The following NUDT9 variants were observed in gnomAD, a reference collection of about 807,000 sequenced individuals.
The protein encoded by NUDT9 is nudix hydrolase 9, also known as ADP-ribose pyrophosphatase.
In NUDT9, 31 loss-of-function variants were observed where a neutral mutation model predicts 41.0. The ratio of observed to expected loss-of-function variants is 0.76; its 90% CI spans 0.57 to 1.02. The LOEUF (loss-of-function observed/expected upper bound fraction) is 1.02. Ranked by LOEUF, NUDT9 falls within the 50% of genes least tolerant of loss-of-function variation. The probability of loss-of-function intolerance (pLI) is 0.00; values close to 1 mark genes in which losing one functional copy is unlikely to be tolerated. For synonymous variants in NUDT9, 146 were observed against 147.6 expected, an observed-to-expected ratio of 0.99 and a Z score of 0.08; for missense variants, 380 against 431.4, an observed-to-expected ratio of 0.88 and a Z score of 1.06.
intron 3 of NUDT9, 41 bp downstream of exon 3, chr4:87,438,413 C>A: frequency 1.9e-6 from 2 of 1,074,034 alleles, no homozygotes; most frequent in Non-Finnish European, 2.9e-6. Context: ...AATGAGTCAC[C>A]AAAAAGTAGA....
chr4:87,427,067 C>G (rs1207090629), intron 1 of NUDT9, among the ~76,000 whole-genome samples: 1 of 149,670 alleles, frequency 6.7e-6, no homozygotes, highest in Non-Finnish European at 1.5e-5. Context: ...TTGCAGTGAG[C>G]CATGATTGTA....
chr4:87,435,103 G>A lies in NUDT9; in HGVS notation c.230G>A (p.Arg77Gln). Residue 77 changes from arginine (R) to glutamine (Q), a missense_variant, in exon 2 of 8, where the codon CGA becomes CAA. Arg to Gln is a conservative substitution (Grantham distance 43). Transcript: ENST00000302174. ...TSPYPGSKVE[R>Q]SQVPNEKVGW... ...CCTTACCCAGGTTCAAAAGTTGAAC[G>A]AAGCCAGGTTCCTAATGAGAAAGTG... The A allele has an allele frequency of 1.9e-6, 3 of 1,614,170 alleles. No individual in the cohort carries two copies. The highest frequency in any genetic ancestry group is 2.5e-6 in the Non-Finnish European group (3 of 1,180,028).
At chr4:87,444,342 C>T (rs1321845472) in intron 4 of NUDT9, among the ~76,000 whole-genome samples, 2 of 151,912 alleles carry the variant, frequency 1.3e-5, no homozygotes, top group East Asian at 1.9e-4. Context: ...CATTCTCACC[C>T]GGTCTTATTT....
At position 87,458,553 on chromosome 4, in the gene NUDT9, T is replaced by C. The variant is rs1280007400; in HGVS notation, c.*532T>C. 1 of 152,242 alleles carries C rather than the reference T, an allele frequency of 6.6e-6. No homozygotes were observed. The highest frequency in any genetic ancestry group is 6.5e-5 in the Admixed American group (1 of 15,278). The allele number at this position is 152,242 out of a possible 1,614,324, so 9.4% of individuals were successfully genotyped here. ...ATCTTGTTGAAGCTAATTTTGAAAA[T>C]GGAAACTATGTTTTCTTGACTTTAG... is the stretch of plus-strand genomic sequence containing the variant. On this transcript the variant is annotated 3_prime_UTR_variant, in exon 8 of 8. Coordinates refer to ENST00000302174, the MANE Select transcript of NUDT9 (RefSeq NM_024047.5).
chr4:87,424,104 C>T (rs1721286203), intron 1 of NUDT9, among the ~76,000 whole-genome samples: 2 of 152,052 alleles, frequency 1.3e-5, no homozygotes, highest in African/African-American at 4.8e-5. Context: ...CTATTTTGGA[C>T]TTTTTGCTTG....
intron 4 of NUDT9, 22 bp from the exon 5 acceptor site, chr4:87,449,120 G>T (rs1722598675): frequency 2.9e-6 from 4 of 1,357,204 alleles, no homozygotes; most frequent in South Asian, 2.4e-5. Flanking sequence ...AATCCGTTAT[G>T]ATTTTATATT....
chr4:87,432,762 G>A (rs1721740676), intron 1 of NUDT9, among the ~76,000 whole-genome samples: 1 of 149,056 alleles, frequency 6.7e-6, no homozygotes, highest in Non-Finnish European at 1.5e-5. Context: ...CAATCAAGAA[G>A]ATTGTGTTTT....
chr4:87,445,231 G>C (rs1722392091), intron 4 of NUDT9: 1 of 151,982 alleles, frequency 6.6e-6, no homozygotes, highest in Non-Finnish European at 1.5e-5. Context: ...TCTGACATCT[G>C]AATCAGGGGT....
chr4:87,438,412 C>A, intron 3 of NUDT9, 40 bp downstream of exon 3: 4 of 1,087,076 alleles, frequency 3.7e-6, no homozygotes, highest in Non-Finnish European at 5.6e-6. Flanking sequence ...TAATGAGTCA[C>A]CAAAAAGTAG....
intron 6 of NUDT9, among the ~76,000 whole-genome samples, chr4:87,454,110 G>A (rs558919272): frequency 2.0e-5 from 3 of 151,586 alleles, no homozygotes; most frequent in Admixed American, 2.0e-4. Flanking sequence ...TGATCCACCC[G>A]CCTCAGCCTC....
rs544994297 is a variant in NUDT9 at position 87,438,111 on chromosome 4, T to G, written c.348-166T>G. On this transcript the variant is annotated intron_variant, in intron 2 of 7. Coordinates refer to ENST00000302174, the MANE Select transcript of NUDT9 (RefSeq NM_024047.5). ...TAAAACTTTTTTTTGCCTTAAAAAT[T>G]GTTTTGAAGGAATAAGATGGATTTG... Among the ~76,000 whole-genome samples the G allele has an allele frequency of 6.6e-5, 10 of 151,132 alleles. No homozygotes were observed. In the East Asian group the frequency reaches 1.6e-3, roughly 24 times the overall value.
intron 2 of NUDT9, among the ~76,000 whole-genome samples, chr4:87,437,133 C>G (rs1018276155): frequency 6.0e-5 from 9 of 151,052 alleles, no homozygotes; most frequent in African/African-American, 2.2e-4. Flanking sequence ...TCCTGTAGTC[C>G]CAGCTACTCA....
At chr4:87,457,675 T>C (rs758513135) in intron 7 of NUDT9, among the ~76,000 whole-genome samples, 168 bp from the exon 8 acceptor site, 4 of 152,224 alleles carry the variant, frequency 2.6e-5, no homozygotes, top group Non-Finnish European at 4.4e-5. Context: ...TAGTTTTTTT[T>C]CTTTTATTCA....
chr4:87,453,893 G>A (rs571699727), intron 6 of NUDT9, among the ~76,000 whole-genome samples: 57 of 125,546 alleles, frequency 4.5e-4, no homozygotes, highest in East Asian at 3.5e-3. Context: ...GAGTCTCGCT[G>A]TGTTGCCCAG....
At chr4:87,454,314 T>C in intron 6 of NUDT9, 57 bp from the exon 7 acceptor site, 1 of 888,610 alleles carries the variant, frequency 1.1e-6, no homozygotes, top group Non-Finnish European at 1.9e-6. Flanking sequence ...GGTAACATGC[T>C]CTGCTGTACT....
At chr4:87,452,333 C>T (rs182905391) in intron 6 of NUDT9, among the ~76,000 whole-genome samples, 9 of 152,168 alleles carry the variant, frequency 5.9e-5, no homozygotes, top group African/African-American at 1.9e-4. Flanking sequence ...GTTGAGTACC[C>T]ATCCAACAGA....
chr4:87,439,426 C>T (rs569343469), intron 3 of NUDT9, among the ~76,000 whole-genome samples: 108 of 152,082 alleles, frequency 7.1e-4, no homozygotes, highest in African/African-American at 2.5e-3. Context: ...GAGGCCAAGG[C>T]GGGTGGATCA....
In NUDT9 at chr4:87,458,125, G is replaced by A; in HGVS notation, c.*104G>A. ...TAAAAAGGGCAGGGTAGGCCACTTG[G>A]CCTATTTACTTTCAAAACAATTTGC... On this transcript the variant is annotated 3_prime_UTR_variant, in exon 8 of 8. Coordinates refer to ENST00000302174, the MANE Select transcript of NUDT9 (RefSeq NM_024047.5). 9.4e-7 allele frequency: 1 copy of A among 1,058,940 alleles called. No individual in the cohort carries two copies. Among genetic ancestry groups the A allele is most frequent in the Non-Finnish European group, 1.3e-6 (1 of 794,834 alleles). The allele number at this position is 1,058,940 out of a possible 1,614,324, so 65.6% of individuals were successfully genotyped here.
At chr4:87,438,244 A>G (rs761690482) in intron 2 of NUDT9, 33 bp from the exon 3 acceptor site, 9 of 1,160,704 alleles carry the variant, frequency 7.8e-6, no homozygotes, top group South Asian at 7.5e-5. Flanking sequence ...TTGAATCATT[A>G]TTTCTTATTT....
Sources: allele counts gnomAD v4.1 joint callset (sites outside exome capture counted in the v4.1 genomes callset), GRCh38; gene constraint gnomAD v4.1.1; transcripts MANE v1.5; gene names NCBI Gene and HGNC (gene_info 2026-07-23, HGNC 2026-07-21).